The following PCDH9 variants were observed in gnomAD, a reference collection of about 807,000 sequenced individuals.
PCDH9 encodes the protein protocadherin 9.
A neutral mutation model predicts 70.6 loss-of-function variants in PCDH9; 24 were observed. That is an observed-to-expected ratio of 0.34 (90% CI 0.25 to 0.48). PCDH9 has a LOEUF of 0.48. Among genes scored for constraint, PCDH9 ranks in the 20% least tolerant of loss-of-function variants. The pLI is 0.99. For missense variants in PCDH9, 1,281 were observed against 1,503.6 expected (o/e 0.85, Z 2.45); for synonymous variants, 562 against 558.5 (o/e 1.01, Z -0.09).
At chr13:66,977,333 C>T (rs2083640399) in intron 2 of PCDH9, 1 of 152,014 alleles carries the variant, frequency 6.6e-6, no homozygotes, top group South Asian at 2.1e-4. Context: ...CAGCCTGAAT[C>T]ATAGGCTGTA....
intron 4 of PCDH9, among the ~76,000 whole-genome samples, chr13:66,620,840 G>T (rs909782773): frequency 6.6e-6 from 1 of 152,022 alleles, no homozygotes; most frequent in Non-Finnish European, 1.5e-5. Flanking sequence ...AAGTAACACA[G>T]ACTAAGAATT....
At chr13:66,452,808 C>T (rs1056272906) in intron 4 of PCDH9, among the ~76,000 whole-genome samples, 5 of 152,164 alleles carry the variant, frequency 3.3e-5, no homozygotes, top group African/African-American at 1.2e-4. Flanking sequence ...AAATGTATCA[C>T]TTTACCTAAA....
chr13:66,935,426 G>A (rs776369019), intron 2 of PCDH9, among the ~76,000 whole-genome samples: 6 of 152,110 alleles, frequency 3.9e-5, no homozygotes, highest in Non-Finnish European at 7.4e-5. Flanking sequence ...TGAGTTTAAC[G>A]CAAGGGTCTC....
At chr13:67,173,616 C>T (rs1267410092) in intron 2 of PCDH9, among the ~76,000 whole-genome samples, 1 of 152,104 alleles carries the variant, frequency 6.6e-6, no homozygotes, top group Non-Finnish European at 1.5e-5. Flanking sequence ...CTGGTATACA[C>T]TTCAGTTCGA....
At chr13:66,632,394 T>C (rs1300479238) in intron 3 of PCDH9, among the ~76,000 whole-genome samples, 2 of 152,218 alleles carry the variant, frequency 1.3e-5, no homozygotes, top group Non-Finnish European at 2.9e-5. Context: ...TAAAAGAGAT[T>C]AAATTAGAAA....
chr13:67,118,028 A>T (rs2086810593), intron 2 of PCDH9, among the ~76,000 whole-genome samples: 1 of 152,146 alleles, frequency 6.6e-6, no homozygotes, highest in Admixed American at 6.5e-5. Flanking sequence ...TTCAATACTG[A>T]GTTTGTCTGA....
At chr13:66,481,200 T>C (rs1310457775) in intron 4 of PCDH9, among the ~76,000 whole-genome samples, 1 of 151,824 alleles carries the variant, frequency 6.6e-6, no homozygotes, top group Non-Finnish European at 1.5e-5. Context: ...AAATACCTAA[T>C]GCAAATGACG....
intron 2 of PCDH9, chr13:67,219,969 T>C (rs771308398): frequency 9.9e-5 from 15 of 151,986 alleles, no homozygotes; most frequent in Non-Finnish European, 1.8e-4. Flanking sequence ...TGTTTTTAAC[T>C]ATATACAAGC....
At chr13:66,764,754 C>T (rs1338944929) in intron 3 of PCDH9, among the ~76,000 whole-genome samples, 2 of 151,954 alleles carry the variant, frequency 1.3e-5, no homozygotes, top group African/African-American at 4.8e-5. Flanking sequence ...CCAAAACATG[C>T]TTCTACAACT....
chr13:66,420,525 T>A (rs557854853), intron 4 of PCDH9, among the ~76,000 whole-genome samples: 2 of 152,258 alleles, frequency 1.3e-5, no homozygotes, highest in East Asian at 3.9e-4. Context: ...CCTCTGCTGG[T>A]GATACCCAGG....
chr13:66,728,301 C>T (rs1339725566), intron 3 of PCDH9, among the ~76,000 whole-genome samples: 1 of 151,978 alleles, frequency 6.6e-6, no homozygotes, highest in Non-Finnish European at 1.5e-5. Context: ...CTGGAGTTTC[C>T]AAATCATTTT....
At chr13:66,609,428 T>G (rs1415066822) in intron 4 of PCDH9, among the ~76,000 whole-genome samples, 1 of 152,128 alleles carries the variant, frequency 6.6e-6, no homozygotes, top group African/African-American at 2.4e-5. Flanking sequence ...TTACTACAGG[T>G]TACCACTATT....
At position 66,697,528 on chromosome 13, in the gene PCDH9, C is replaced by G. The variant is rs570733175; in HGVS notation, c.3139-66117G>C. ...CACCAAGACCATTTTTAATTTAAGA[C>G]TTATTTAAAACAAGATTTTTCAATA... On this transcript the variant is annotated intron_variant, in intron 3 of 4. Transcript: ENST00000377865. Among the ~76,000 whole-genome samples the G allele has an allele frequency of 4.8e-3, 737 of 152,198 alleles. 9 individuals carry two copies. The highest frequency in any genetic ancestry group is 0.016 in the African/African-American group (684 of 41,528).
chr13:66,482,249 C>T (rs1324462547), intron 4 of PCDH9, among the ~76,000 whole-genome samples: 3 of 152,188 alleles, frequency 2.0e-5, no homozygotes, highest in Non-Finnish European at 4.4e-5. Context: ...AAGAGCCAGT[C>T]GCTTTCTTCT....
At chr13:66,887,643 C>A (rs2082029908) in intron 3 of PCDH9, among the ~76,000 whole-genome samples, 1 of 152,126 alleles carries the variant, frequency 6.6e-6, no homozygotes, top group Non-Finnish European at 1.5e-5. Flanking sequence ...TATTAATGCG[C>A]TAATTACTAA....
chr13:67,063,075 A>G (rs190314857), intron 2 of PCDH9, among the ~76,000 whole-genome samples: 44 of 152,302 alleles, frequency 2.9e-4, no homozygotes, highest in Middle Eastern at 6.8e-3. Context: ...TTTAAAGCAA[A>G]CAAGGTGTAT....
chr13:67,003,527 T>C (rs1249784311), intron 2 of PCDH9, among the ~76,000 whole-genome samples: 2 of 152,206 alleles, frequency 1.3e-5, no homozygotes, highest in Non-Finnish European at 2.9e-5. Flanking sequence ...ACACAAGATA[T>C]GTTTCTTAAT....
rs138612408 is a variant in PCDH9 at position 66,680,863 on chromosome 13, G to A, written c.3139-49452C>T. Among the ~76,000 whole-genome samples, 55 of 152,030 alleles carry A rather than the reference G, an allele frequency of 3.6e-4. 1 individual carries two copies. The highest frequency in any genetic ancestry group is 1.2e-3 in the African/African-American group (49 of 41,520). ...CAACCAATATCATCCAACAAAAAGA[G>A]AAAATAGCAGTAATATTAACATATC... On this transcript the variant is annotated intron_variant, in intron 3 of 4. Coordinates refer to ENST00000377865, the MANE Select transcript of PCDH9 (RefSeq NM_203487.3).
chr13:66,944,235 T>G (rs2083051797), intron 2 of PCDH9, among the ~76,000 whole-genome samples: 1 of 150,124 alleles, frequency 6.7e-6, no homozygotes, highest in African/African-American at 2.5e-5. Flanking sequence ...TTCTATATTT[T>G]TCTAATAAAT....
Sources: allele counts gnomAD v4.1 joint callset (sites outside exome capture counted in the v4.1 genomes callset), GRCh38; gene constraint gnomAD v4.1.1; transcripts MANE v1.5; gene names NCBI Gene and HGNC (gene_info 2026-07-23, HGNC 2026-07-21).